CCDC171: variants seen among roughly 807,000 people sequenced by gnomAD.
CCDC171 encodes the protein coiled-coil domain containing 171, also known as coiled-coil domain-containing protein 171.
CCDC171 carries 177 observed loss-of-function variants against 168.2 expected under a neutral mutation model. The observed-to-expected ratio is 1.05, with a 90% CI of 0.93 to 1.19. The LOEUF is 1.19. CCDC171 is among the 50% of genes most tolerant of loss of function. The probability of loss-of-function intolerance (pLI) is 0.00; values close to 1 mark genes in which losing one functional copy is unlikely to be tolerated. For synonymous variants in CCDC171, 687 were observed against 540.8 expected (o/e 1.27, Z -3.75); for missense variants, 1,991 against 1,539.0 (o/e 1.29, Z -4.91).
chr9:15,812,259 G>T (rs1330864573), intron 21 of CCDC171, among the ~76,000 whole-genome samples: 1 of 152,148 alleles, frequency 6.6e-6, no homozygotes, highest in Non-Finnish European at 1.5e-5. Flanking sequence ...TGGCTTCAAG[G>T]AAACCACCAT....
intron 18 of CCDC171, among the ~76,000 whole-genome samples, chr9:15,763,934 G>T (rs542917385): frequency 6.6e-6 from 1 of 151,962 alleles, no homozygotes; most frequent in Non-Finnish European, 1.5e-5. Flanking sequence ...GGTACTCAAA[G>T]GCTTGGAATT....
intron 6 of CCDC171, among the ~76,000 whole-genome samples, chr9:15,595,294 C>T (rs542080403): frequency 6.6e-6 from 1 of 152,210 alleles, no homozygotes; most frequent in Admixed American, 6.5e-5. Flanking sequence ...GCTATCCCTC[C>T]CCGCTCCCCT....
chr9:15,678,355 T>A (rs1392827255), intron 9 of CCDC171, among the ~76,000 whole-genome samples: 2 of 152,188 alleles, frequency 1.3e-5, no homozygotes, highest in East Asian at 3.9e-4. Context: ...GACATTCAGA[T>A]GTGAGACATT....
chr9:15,945,373 A>T (rs1215693562), intron 25 of CCDC171, among the ~76,000 whole-genome samples: 2 of 148,622 alleles, frequency 1.3e-5, no homozygotes, highest in Admixed American at 6.9e-5. Context: ...AGCATGATTT[A>T]TAGTCCTTTG....
chr9:15,626,053 C>T (rs921738837), intron 7 of CCDC171, among the ~76,000 whole-genome samples: 3 of 152,086 alleles, frequency 2.0e-5, no homozygotes, highest in Admixed American at 6.6e-5. Flanking sequence ...AAGTTGGATT[C>T]CTAGGTATTT....
intron 2 of CCDC171, among the ~76,000 whole-genome samples, chr9:15,568,567 G>A (rs1016602583): frequency 1.3e-5 from 2 of 152,204 alleles, no homozygotes; most frequent in Non-Finnish European, 2.9e-5. Context: ...ACCGCACCCA[G>A]CCTTATTTTT....
chr9:15,862,439 G>C (rs73422737), intron 23 of CCDC171, among the ~76,000 whole-genome samples: 11,912 of 150,990 alleles, frequency 0.079, 1,238 homozygotes, highest in African/African-American at 0.23. Context: ...TTCTCACTTT[G>C]TTCATGTATT....
At chr9:15,998,794 G>A (rs1376793059) in intron 3 of CCDC171, among the ~76,000 whole-genome samples, 1 of 152,146 alleles carries the variant, frequency 6.6e-6, no homozygotes, top group African/African-American at 2.4e-5. Context: ...AAAGGCAATG[G>A]AGGAGAACTC....
chr9:15,924,527 C>G (rs1299147585), intron 25 of CCDC171, among the ~76,000 whole-genome samples: 2 of 151,124 alleles, frequency 1.3e-5, no homozygotes, highest in South Asian at 2.1e-4. Context: ...AGATTATTTA[C>G]TAACCTAACA....
chr9:15,929,706 C>CT (rs1327219022), intron 25 of CCDC171, among the ~76,000 whole-genome samples: 12 of 151,850 alleles, frequency 7.9e-5, no homozygotes, highest in African/African-American at 2.2e-4. Context: ...CATATCTAGT[C>CT]TTTTTTCTTC....
intron 24 of CCDC171, among the ~76,000 whole-genome samples, chr9:15,877,586 T>G (rs1818028077): frequency 6.6e-6 from 1 of 152,150 alleles, no homozygotes; most frequent in East Asian, 1.9e-4. Context: ...GTGAAACCTT[T>G]CGTTTAAGTT....
intron 21 of CCDC171, among the ~76,000 whole-genome samples, chr9:15,805,525 T>A (rs946501966): frequency 2.0e-5 from 3 of 152,190 alleles, no homozygotes; most frequent in African/African-American, 7.2e-5. Context: ...AGGAGCAGGT[T>A]GTTCAATTTC....
At chr9:15,680,721 T>G (rs374985182) in intron 10 of CCDC171, among the ~76,000 whole-genome samples, 4 of 152,190 alleles carry the variant, frequency 2.6e-5, no homozygotes, top group African/African-American at 4.8e-5. Flanking sequence ...TAATGTTATC[T>G]TAAATTTCAT....
At chr9:16,025,600 A>G (rs1833261307) in intron 6 of CCDC171, among the ~76,000 whole-genome samples, 1 of 152,240 alleles carries the variant, frequency 6.6e-6, no homozygotes, top group Non-Finnish European at 1.5e-5. Context: ...GTGGAATATG[A>G]TTCAGCCATT....
intron 25 of CCDC171, among the ~76,000 whole-genome samples, chr9:15,926,233 G>A (rs1313330303): frequency 2.0e-5 from 3 of 151,632 alleles, no homozygotes; most frequent in African/African-American, 7.3e-5. Flanking sequence ...GTTGACTTGG[G>A]TCTTATGGAT....
chr9:15,897,547 A>T (rs1211456446), intron 24 of CCDC171, among the ~76,000 whole-genome samples: 1 of 152,122 alleles, frequency 6.6e-6, no homozygotes, highest in Non-Finnish European at 1.5e-5. Flanking sequence ...TTTATTTGAA[A>T]TATTTATTTA....
At chr9:15,707,143 T>G (rs2052308705) in intron 11 of CCDC171, among the ~76,000 whole-genome samples, 2 of 152,202 alleles carry the variant, frequency 1.3e-5, no homozygotes, top group Admixed American at 1.3e-4. Flanking sequence ...CTGTTGTCAT[T>G]TGCAGATTTT....
chr9:15,793,340 T>C (rs1387409810), intron 21 of CCDC171, among the ~76,000 whole-genome samples: 4 of 151,896 alleles, frequency 2.6e-5, no homozygotes, highest in Admixed American at 2.0e-4. Flanking sequence ...CTTAGAGACC[T>C]ACAAAGAGAC....
At chr9:15,791,021 C>G (rs1190735153) in intron 21 of CCDC171, among the ~76,000 whole-genome samples, 1 of 152,136 alleles carries the variant, frequency 6.6e-6, no homozygotes, top group Non-Finnish European at 1.5e-5. Flanking sequence ...AGTTTGAAGT[C>G]AGGTAGCGTG....
Sources: allele counts gnomAD v4.1 joint callset (sites outside exome capture counted in the v4.1 genomes callset), GRCh38; gene constraint gnomAD v4.1.1; transcripts MANE v1.5; gene names NCBI Gene and HGNC (gene_info 2026-07-23, HGNC 2026-07-21).